B3GALT1: variants seen among roughly 807,000 people sequenced by gnomAD.
The protein encoded by B3GALT1 is beta-1,3-galactosyltransferase 1.
B3GALT1 carries 10 observed loss-of-function variants against 23.2 expected under a neutral mutation model. That is an observed-to-expected ratio of 0.43 (90% CI 0.27 to 0.73). The LOEUF is 0.73. B3GALT1 is among the 30% of genes least tolerant of loss of function. The probability of loss-of-function intolerance (pLI) is 0.21; values close to 1 mark genes in which losing one functional copy is unlikely to be tolerated. For missense variants in B3GALT1, 299 were observed against 405.4 expected (o/e 0.74, Z 2.25); for synonymous variants, 156 against 141.5 (o/e 1.10, Z -0.73).
At chr2:167,711,459 A>C (rs1254289729) in intron 3 of B3GALT1, among the ~76,000 whole-genome samples, 1 of 152,230 alleles carries the variant, frequency 6.6e-6, no homozygotes, top group Non-Finnish European at 1.5e-5. Flanking sequence ...GTAGTACCTG[A>C]CGGTCCTCTG....
intron 1 of B3GALT1, among the ~76,000 whole-genome samples, chr2:167,338,881 A>G (rs1697102538): frequency 2.6e-5 from 4 of 152,128 alleles, no homozygotes; most frequent in Non-Finnish European, 4.4e-5. Flanking sequence ...ATATATAAAA[A>G]TCCTCCAATA....
intron 1 of B3GALT1, among the ~76,000 whole-genome samples, chr2:167,461,405 A>G (rs927115877): frequency 5.9e-5 from 9 of 152,118 alleles, no homozygotes; most frequent in Non-Finnish European, 1.0e-4. Context: ...TGCCAGTGCA[A>G]TTGTTTTCTA....
chr2:167,826,024 T>C (rs925547070), intron 4 of B3GALT1, among the ~76,000 whole-genome samples: 3 of 152,240 alleles, frequency 2.0e-5, no homozygotes, highest in African/African-American at 7.2e-5. Context: ...ATCATTTCTT[T>C]TTATTCAGAG....
chr2:167,590,546 A>G (rs1041442969), intron 2 of B3GALT1, among the ~76,000 whole-genome samples: 1 of 152,128 alleles, frequency 6.6e-6, no homozygotes, highest in Non-Finnish European at 1.5e-5. Flanking sequence ...AGGGGGGAAA[A>G]AAAAGAAATA....
At chr2:167,388,847 C>T (rs1303289582) in intron 1 of B3GALT1, among the ~76,000 whole-genome samples, 2 of 152,062 alleles carry the variant, frequency 1.3e-5, no homozygotes, top group Non-Finnish European at 2.9e-5. Context: ...GCAATTCTTC[C>T]ACAAGAACCA....
intron 2 of B3GALT1, among the ~76,000 whole-genome samples, chr2:167,635,138 A>G (rs1574181297): frequency 6.6e-6 from 1 of 152,320 alleles, no homozygotes; most frequent in African/African-American, 2.4e-5. Flanking sequence ...GTTCTTGGAT[A>G]AAATTCAACA....
intron 2 of B3GALT1, among the ~76,000 whole-genome samples, chr2:167,555,433 T>A (rs1387054757): frequency 6.6e-6 from 1 of 152,160 alleles, no homozygotes; most frequent in African/African-American, 2.4e-5. Context: ...TAGGATAAAG[T>A]AAAATTCAAT....
chr2:167,816,978 TTTGA>T (rs1689005884), intron 3 of B3GALT1, among the ~76,000 whole-genome samples: 1 of 152,206 alleles, frequency 6.6e-6, no homozygotes, highest in Non-Finnish European at 1.5e-5. Flanking sequence ...TTGCAATACT[TTTGA>T]TTGTTTCTGG....
Position 167,870,778 on chromosome 2 carries a change from C to G in B3GALT1, c.*758C>G, listed in dbSNP as rs924798006. ...ACATTAAATGGTGCCTCCAAGGAAA[C>G]TTTGCCAAATATAATCTCACCTGCT... On this transcript the variant is annotated 3_prime_UTR_variant, in exon 5 of 5. Coordinates refer to ENST00000392690, the MANE Select transcript of B3GALT1 (RefSeq NM_020981.4). 1.8e-5 allele frequency: 3 copies of G among 166,364 alleles called. No homozygotes were observed. Among genetic ancestry groups the G allele is most frequent in the Admixed American group, 6.6e-5 (1 of 15,216 alleles). The allele number at this position is 166,364 out of a possible 1,614,324, so 10.3% of individuals were successfully genotyped here.
At chr2:167,679,534 G>A (rs1686491682) in intron 3 of B3GALT1, among the ~76,000 whole-genome samples, 1 of 152,252 alleles carries the variant, frequency 6.6e-6, no homozygotes, top group African/African-American at 2.4e-5. Context: ...GATTACAGGC[G>A]TGAGCTACTG....
intron 3 of B3GALT1, among the ~76,000 whole-genome samples, chr2:167,736,944 C>CA (rs1687502737): frequency 1.3e-5 from 2 of 150,630 alleles, no homozygotes; most frequent in South Asian, 4.2e-4. Context: ...CCTTCCCCCC[C>CA]AAAAAAAGAA....
In B3GALT1 at chr2:167,715,667, T is replaced by A. The variant is rs539476483; in HGVS notation, c.-352+68701T>A. On this transcript the variant is annotated intron_variant, in intron 3 of 4. Coordinates refer to ENST00000392690, the MANE Select transcript of B3GALT1 (RefSeq NM_020981.4). ...AAGTTCAGAATTGGACCTGTTCAGC[T>A]TTTCACAGGTTGCCTCCAAACTTCG... 1.9e-6 allele frequency: 3 copies of A among 1,613,566 alleles called. No homozygotes were observed. The African/African-American group carries it at 4.0e-5, about 22-fold the overall frequency.
intron 4 of B3GALT1, among the ~76,000 whole-genome samples, chr2:167,867,133 A>C (rs944336087): frequency 1.3e-5 from 2 of 152,118 alleles, no homozygotes; most frequent in African/African-American, 2.4e-5. Flanking sequence ...TCACCGTTTT[A>C]GCCAGGATGG....
At chr2:167,331,957 C>T (rs1223637912) in intron 1 of B3GALT1, among the ~76,000 whole-genome samples, 1 of 152,172 alleles carries the variant, frequency 6.6e-6, no homozygotes, top group Non-Finnish European at 1.5e-5. Flanking sequence ...GCATGCGCAG[C>T]TGCGTGGGAT....
At chr2:167,629,519 G>C (rs1309950244) in intron 2 of B3GALT1, among the ~76,000 whole-genome samples, 1 of 151,494 alleles carries the variant, frequency 6.6e-6, no homozygotes, top group South Asian at 2.1e-4. Context: ...TCCTAAAAAA[G>C]GTCCTCTATG....
At chr2:167,744,826 G>C (rs1687628944) in intron 3 of B3GALT1, among the ~76,000 whole-genome samples, 1 of 152,114 alleles carries the variant, frequency 6.6e-6, no homozygotes, top group Admixed American at 6.6e-5. Context: ...CTGACCTCGT[G>C]ATCCGCCTGC....
intron 3 of B3GALT1, among the ~76,000 whole-genome samples, chr2:167,647,168 T>C (rs1685761304): frequency 6.6e-6 from 1 of 152,190 alleles, no homozygotes; most frequent in Admixed American, 6.5e-5. Context: ...GTGGCCATGT[T>C]CCCCATGAAG....
chr2:167,442,609 T>A (rs1698912489), intron 1 of B3GALT1, among the ~76,000 whole-genome samples: 1 of 151,528 alleles, frequency 6.6e-6, no homozygotes, highest in African/African-American at 2.4e-5. Context: ...TGGTTTTGAT[T>A]TGCATTTCTC....
chr2:167,465,928 C>G (rs943961966), intron 1 of B3GALT1, among the ~76,000 whole-genome samples: 3 of 151,786 alleles, frequency 2.0e-5, no homozygotes, highest in African/African-American at 7.3e-5. Context: ...AAGGGCCTTT[C>G]TCACAATGAC....
Sources: allele counts gnomAD v4.1 joint callset (sites outside exome capture counted in the v4.1 genomes callset), GRCh38; gene constraint gnomAD v4.1.1; transcripts MANE v1.5; gene names NCBI Gene and HGNC (gene_info 2026-07-23, HGNC 2026-07-21).